SLC2A13: variants seen among roughly 807,000 people sequenced by gnomAD.
The protein encoded by SLC2A13 is solute carrier family 2 member 13, also known as proton myo-inositol cotransporter.
Under a neutral mutation model 64.4 loss-of-function variants are expected in SLC2A13, and 32 were observed. The observed-to-expected ratio is 0.50, with a 90% CI of 0.37 to 0.67. SLC2A13 has a LOEUF of 0.67. SLC2A13 is among the 30% of genes least tolerant of loss of function. The pLI is 0.00. For missense variants in SLC2A13, 743 were observed against 829.2 expected (o/e 0.90, Z 1.28); for synonymous variants, 338 against 327.1 (o/e 1.03, Z -0.36).
At chr12:39,866,775 G>A (rs763323233) in intron 5 of SLC2A13, among the ~76,000 whole-genome samples, 1 of 152,180 alleles carries the variant, frequency 6.6e-6, no homozygotes, top group Non-Finnish European at 1.5e-5. Context: ...CACAGCGCCC[G>A]GCCGAAAGAT....
intron 7 of SLC2A13, among the ~76,000 whole-genome samples, chr12:39,786,214 G>T (rs948370636): frequency 1.3e-5 from 2 of 152,132 alleles, no homozygotes; most frequent in Non-Finnish European, 2.9e-5. Context: ...AGGTACCCAG[G>T]GGGAGGTAAT....
intron 4 of SLC2A13, among the ~76,000 whole-genome samples, chr12:39,896,405 CATATATGTATGTATATGTGTATAT>C (rs1944888123): frequency 2.8e-4 from 31 of 110,412 alleles, no homozygotes; most frequent in Admixed American, 8.6e-4. Context: ...TATATGTATA[CATATATGTATGTATATGTGTATAT>C]ATGTATACAT....
chr12:39,803,345 T>C (rs73092111), intron 7 of SLC2A13, among the ~76,000 whole-genome samples: 29,261 of 152,008 alleles, frequency 0.19, 3,039 homozygotes, highest in South Asian at 0.3. Flanking sequence ...CCGTGATCAG[T>C]AGCCAGTAGA....
chr12:40,094,232 G>A (rs1938862141), intron 1 of SLC2A13, among the ~76,000 whole-genome samples: 1 of 152,160 alleles, frequency 6.6e-6, no homozygotes, highest in African/African-American at 2.4e-5. Context: ...GACAAAACAG[G>A]GAAGTCGGGT....
intron 7 of SLC2A13, among the ~76,000 whole-genome samples, chr12:39,778,782 A>G (rs984159400): frequency 6.6e-6 from 1 of 152,182 alleles, no homozygotes; most frequent in Non-Finnish European, 1.5e-5. Context: ...GTGGCTATCA[A>G]CTTAAATACC....
intron 6 of SLC2A13, among the ~76,000 whole-genome samples, chr12:39,861,792 A>G (rs774155995): frequency 5.3e-5 from 8 of 152,094 alleles, no homozygotes; most frequent in Non-Finnish European, 7.4e-5. Flanking sequence ...GTGGCCAAAC[A>G]TTTTCTATAG....
At chr12:40,086,744 C>T (rs1005949607) in intron 1 of SLC2A13, among the ~76,000 whole-genome samples, 2 of 152,210 alleles carry the variant, frequency 1.3e-5, no homozygotes, top group Non-Finnish European at 2.9e-5. Flanking sequence ...CAGGACTAAA[C>T]TGATAGGTAG....
rs71449493 is a variant in SLC2A13 at position 39,812,996 on chromosome 12, ATTTTT to A, written c.1445+17102_1445+17106del. Among the ~76,000 whole-genome samples, 14 of 40,616 alleles carry A rather than the reference ATTTTT, an allele frequency of 3.4e-4. 1 individual carries two copies. In the South Asian group the frequency reaches 7.7e-3, roughly 22 times the overall value. The allele number at this position is 40,616 out of a possible 152,430, so 26.6% of individuals were successfully genotyped here. On this transcript the variant is annotated intron_variant, in intron 7 of 9. Transcript: ENST00000280871. ...AGGCGCCTGACATCATGCCCAGCTA[ATTTTT>A]TTTTTTTTTTTTTTTTTTTTTTTAG...
chr12:40,030,957 T>A (rs184876753), intron 2 of SLC2A13, among the ~76,000 whole-genome samples: 1 of 152,358 alleles, frequency 6.6e-6, no homozygotes, highest in East Asian at 1.9e-4. Flanking sequence ...ATATTAAAGC[T>A]TCTTTCTAGA....
At chr12:40,078,861 G>A (rs1268265126) in intron 1 of SLC2A13, among the ~76,000 whole-genome samples, 1 of 152,086 alleles carries the variant, frequency 6.6e-6, no homozygotes, top group Non-Finnish European at 1.5e-5. Flanking sequence ...TCAATCTTGA[G>A]AGGTTTTACA....
intron 1 of SLC2A13, among the ~76,000 whole-genome samples, chr12:40,080,486 G>A (rs1388551157): frequency 6.6e-6 from 1 of 152,184 alleles, no homozygotes; most frequent in African/African-American, 2.4e-5. Flanking sequence ...TGCCTCCCAG[G>A]TTCAAGCAAT....
intron 7 of SLC2A13, among the ~76,000 whole-genome samples, chr12:39,826,786 T>C (rs1444941345): frequency 3.4e-5 from 5 of 148,496 alleles, no homozygotes; most frequent in Non-Finnish European, 7.4e-5. Context: ...GCACCAATCA[T>C]AAGTATATAA....
At chr12:39,808,930 A>G (rs1433596558) in intron 7 of SLC2A13, among the ~76,000 whole-genome samples, 1 of 151,950 alleles carries the variant, frequency 6.6e-6, no homozygotes, top group Non-Finnish European at 1.5e-5. Context: ...GAACTCCAAT[A>G]TATCAATTTT....
intron 4 of SLC2A13, among the ~76,000 whole-genome samples, chr12:39,896,236 GTA>G (rs1282859926): frequency 3.0e-5 from 3 of 99,482 alleles, no homozygotes; most frequent in African/African-American, 1.1e-4. Context: ...ATGCATATGT[GTA>G]TATATGTATA....
At chr12:39,986,844 C>T (rs903274724) in intron 3 of SLC2A13, among the ~76,000 whole-genome samples, 8 of 152,026 alleles carry the variant, frequency 5.3e-5, no homozygotes, top group Admixed American at 1.3e-4. Flanking sequence ...TTTATTTCCT[C>T]GAAGGCAACA....
At chr12:40,079,371 C>T (rs566445211) in intron 1 of SLC2A13, among the ~76,000 whole-genome samples, 57 of 152,276 alleles carry the variant, frequency 3.7e-4, no homozygotes, top group African/African-American at 1.3e-3. Flanking sequence ...TCACTCTACA[C>T]AAAAGTCATT....
At chr12:39,980,403 A>T (rs1946866724) in intron 3 of SLC2A13, among the ~76,000 whole-genome samples, 1 of 151,782 alleles carries the variant, frequency 6.6e-6, no homozygotes, top group Non-Finnish European at 1.5e-5. Flanking sequence ...GTCAAGACCC[A>T]TCAGTGTGCT....
chr12:39,830,477 G>C, intron 6 of SLC2A13: 43 of 1,202,906 alleles, frequency 3.6e-5, no homozygotes, highest in Non-Finnish European at 4.3e-5. Context: ...TTGGATCTGA[G>C]AGACTGAATG....
At chr12:40,027,338 A>G (rs1490312555) in intron 3 of SLC2A13, among the ~76,000 whole-genome samples, 1 of 152,220 alleles carries the variant, frequency 6.6e-6, no homozygotes, top group East Asian at 1.9e-4. Context: ...AACTTCACAT[A>G]GAATGGGCTC....
Sources: gnomAD v4.1 joint callset for allele counts (sites outside exome capture counted in the v4.1 genomes callset) on GRCh38, gnomAD v4.1.1 for gene constraint, MANE v1.5 for transcripts, NCBI Gene and HGNC (gene_info 2026-07-23, HGNC 2026-07-21) for gene names.